Variants in NKIRAS1 observed in about 807,000 individuals in gnomAD.
The protein encoded by NKIRAS1 is NFKB inhibitor interacting Ras like 1.
Under a neutral mutation model 19.8 loss-of-function variants are expected in NKIRAS1, and 16 were observed. That is an observed-to-expected ratio of 0.81 (90% CI 0.55 to 1.23). The LOEUF (loss-of-function observed/expected upper bound fraction) is 1.23. Among genes scored for constraint, NKIRAS1 ranks in the 50% most tolerant of loss-of-function variants. The pLI, the probability that NKIRAS1 is intolerant of heterozygous loss-of-function variation, is 0.00. For synonymous variants in NKIRAS1, 88 were observed against 79.0 expected (o/e 1.11, Z -0.61); for missense variants, 184 against 220.0 (o/e 0.84, Z 1.04).
In NKIRAS1 at chr3:23,890,674, G is replaced by T; in HGVS notation, c.*2421C>A. 27 of 1,202,654 alleles carry T rather than the reference G, an allele frequency of 2.2e-5. No homozygotes were observed. The highest frequency in any genetic ancestry group is 2.9e-5 in the Non-Finnish European group (24 of 841,792). The allele number at this position is 1,202,654 out of a possible 1,614,324, so 74.5% of individuals were successfully genotyped here. A position where few individuals can be genotyped will look rare whatever the true frequency, so the allele number is the denominator to read the frequency against. On this transcript the variant is annotated 3_prime_UTR_variant, in exon 5 of 5. Coordinates refer to ENST00000425478, the MANE Select transcript of NKIRAS1 (RefSeq NM_020345.4). ...GAGAGCTGCTTATGATTTTGAAGGG[G>T]TCAGGGAGGGTGGGAGTTGGTAAAG...
intron 1 of NKIRAS1, among the ~76,000 whole-genome samples, chr3:23,931,490 T>C (rs1003497506): frequency 6.6e-6 from 1 of 152,200 alleles, no homozygotes; most frequent in African/African-American, 2.4e-5. Context: ...AATTTAAACA[T>C]TCCTCGTCCT....
chr3:23,931,968 G>A (rs1241325041), intron 1 of NKIRAS1, among the ~76,000 whole-genome samples: 1 of 152,202 alleles, frequency 6.6e-6, no homozygotes, highest in Non-Finnish European at 1.5e-5. Flanking sequence ...GCCTGCTGCT[G>A]TTTTTTAATT....
chr3:23,901,418 C>G (rs1475517995), intron 3 of NKIRAS1, among the ~76,000 whole-genome samples: 1 of 152,066 alleles, frequency 6.6e-6, no homozygotes, highest in Non-Finnish European at 1.5e-5. Flanking sequence ...CTCCTGGGCT[C>G]AAGCAATCTA....
chr3:23,912,724 A>G (rs976915854), intron 1 of NKIRAS1, among the ~76,000 whole-genome samples: 2 of 152,212 alleles, frequency 1.3e-5, no homozygotes, highest in South Asian at 2.1e-4. Flanking sequence ...TCATGCTGCT[A>G]TAAGGACACA....
chr3:23,930,154 C>T (rs1705281726), intron 1 of NKIRAS1, among the ~76,000 whole-genome samples: 1 of 152,078 alleles, frequency 6.6e-6, no homozygotes. Context: ...CATGGGGAAT[C>T]CAGAGAGAGT....
At chr3:23,931,259 A>G (rs1055768797) in intron 1 of NKIRAS1, among the ~76,000 whole-genome samples, 2 of 152,096 alleles carry the variant, frequency 1.3e-5, no homozygotes, top group African/African-American at 4.8e-5. Context: ...TATGTTTCTG[A>G]TTTCATTTCC....
intron 3 of NKIRAS1, among the ~76,000 whole-genome samples, chr3:23,908,722 C>T (rs1703325718): frequency 6.6e-6 from 1 of 152,024 alleles, no homozygotes; most frequent in African/African-American, 2.4e-5. Context: ...TAAGTTGGAA[C>T]ATACTGGTGT....
In NKIRAS1 at chr3:23,926,482, C is replaced by T. The variant is rs561317359; in HGVS notation, c.-139-15032G>A. ...TTTTTTCTCTTCTTCCTCTTTCTCTCCTTCTCTTTCCTCTTCCTCTTCTTC... is the reference window on the plus strand; with the variant it reads ...TTTTTTCTCTTCTTCCTCTTTCTCTTCTTCTCTTTCCTCTTCCTCTTCTTC... On this transcript the variant is annotated intron_variant, in intron 1 of 4. Transcript: ENST00000421515. The surrounding 1 kb of genome is among the most constrained non-coding windows in gnomAD (Gnocchi z 4.3). 1.6e-3 allele frequency among the ~76,000 whole-genome samples: 249 copies of T among 152,110 alleles called. No homozygotes were observed. The highest frequency in any genetic ancestry group is 6.8e-3 in the Middle Eastern group (2 of 294).
upstream of NKIRAS1, among the ~76,000 whole-genome samples, chr3:23,921,263 TC>T (rs146598544): frequency 0.023 from 3,527 of 152,272 alleles, 154 homozygotes; most frequent in African/African-American, 0.08. Context: ...CACACAGTAG[TC>T]CAAGGGATCC....
intron 1 of NKIRAS1, chr3:23,923,900 C>A (rs1419907019): frequency 2.6e-5 from 4 of 152,140 alleles, no homozygotes; most frequent in Non-Finnish European, 5.9e-5. Context: ...TTTTATTTTG[C>A]ATTCTGAGTG....
At chr3:23,898,797 C>A (rs562054778) in intron 4 of NKIRAS1, among the ~76,000 whole-genome samples, 1 of 152,188 alleles carries the variant, frequency 6.6e-6, no homozygotes, top group Admixed American at 6.5e-5. Context: ...TGCGCTGGTA[C>A]CAGTCCAGGG....
upstream of NKIRAS1, chr3:23,920,371 C>T (rs1141623): frequency 1.0e-6 from 1 of 985,340 alleles, no homozygotes; most frequent in Non-Finnish European, 1.2e-6. Context: ...GAAAAAGTCA[C>T]AAGCGCATGG....
rs180945798 is a variant in NKIRAS1 at position 23,922,928 on chromosome 3, C to T, written c.-139-11478G>A. 2 of 152,306 alleles carry T rather than the reference C, an allele frequency of 1.3e-5. No homozygotes were observed. The highest frequency in any genetic ancestry group is 2.1e-4 in the South Asian group (1 of 4,812). 9.4% of individuals were successfully genotyped at this position (152,306 alleles called of 1,614,324 possible). ...AAGCAATCCTCCCACCTCAGCCTGT[C>T]GAGTAGCTGGAACCACAGGTGCACA... On this transcript the variant is annotated intron_variant, in intron 1 of 4. Transcript: ENST00000421515. The surrounding 1 kb of genome is among the most constrained non-coding windows in gnomAD (Gnocchi z 4.2).
intron 1 of NKIRAS1, among the ~76,000 whole-genome samples, chr3:23,932,351 C>A (rs968871028): frequency 6.6e-6 from 1 of 152,018 alleles, no homozygotes. Flanking sequence ...GATTTAATGA[C>A]CTGAAGTGTA....
In NKIRAS1 at chr3:23,890,270, T is replaced by C. The variant is rs539198029; in HGVS notation, c.*2825A>G. Among the ~76,000 whole-genome samples, 1 of 152,076 alleles carries C rather than the reference T, an allele frequency of 6.6e-6. No homozygotes were observed. Among genetic ancestry groups the C allele is most frequent in the African/African-American group, 2.4e-5 (1 of 41,476 alleles). On this transcript the variant is annotated 3_prime_UTR_variant, in exon 5 of 5. Transcript: ENST00000425478. ...TGAGTGTTGTTTGTTGGGAGAAAAA[T>C]GGAATGAACTAAGATAAAGACAGAC...
At chr3:23,941,642 T>C (rs549136612) in intron 1 of NKIRAS1, among the ~76,000 whole-genome samples, 2 of 152,246 alleles carry the variant, frequency 1.3e-5, no homozygotes, top group Admixed American at 6.5e-5. Context: ...TACAGCACGC[T>C]GGGTACTGCC....
Position 23,928,100 on chromosome 3 carries a change from C to CCACACACACACA in NKIRAS1, c.-139-16662_-139-16651dup, listed in dbSNP as rs66482461. ...TCTCTCTCCTCTCTCTCTCTACACA[C>CCACACACACACA]CACACACACACACACACACACACAC... On this transcript the variant is annotated intron_variant, in intron 1 of 4. Coordinates refer to the NKIRAS1 transcript ENST00000421515. 3.1e-4 allele frequency among the ~76,000 whole-genome samples: 45 copies of CCACACACACACA among 146,192 alleles called. No homozygotes were observed. In the East Asian group the frequency reaches 5.1e-3, roughly 16 times the overall value.
intron 1 of NKIRAS1, chr3:23,916,438 A>G (rs2360610): frequency 0.37 from 55,623 of 152,174 alleles, 10,741 homozygotes; most frequent in Middle Eastern, 0.51. Flanking sequence ...TTCTCATGTT[A>G]GCAAATTTGG....
intron 1 of NKIRAS1, among the ~76,000 whole-genome samples, chr3:23,913,238 C>T (rs561285002): frequency 6.6e-6 from 1 of 151,978 alleles, no homozygotes; most frequent in Non-Finnish European, 1.5e-5. Context: ...CCAAAGAAGT[C>T]TTCATCATGG....
Sources: gnomAD v4.1 joint callset for allele counts (sites outside exome capture counted in the v4.1 genomes callset) on GRCh38, gnomAD v4.1.1 for gene constraint, Gnocchi (gnomAD v3.1) non-coding constraint, MANE v1.5 for transcripts, NCBI Gene and HGNC (gene_info 2026-07-23, HGNC 2026-07-21) for gene names.